CALHM6: variants seen among roughly 807,000 people sequenced by gnomAD.
CALHM6 encodes calcium homeostasis modulator protein 6.
Under a neutral mutation model 12.7 loss-of-function variants are expected in CALHM6, and 15 were observed. The ratio of observed to expected loss-of-function variants is 1.18; its 90% CI spans 0.79 to 1.82. The LOEUF (loss-of-function observed/expected upper bound fraction) is 1.82, where lower values mean the gene tolerates loss of function less well. Ranked by LOEUF, CALHM6 falls within the 40% of genes most tolerant of loss-of-function variation. The pLI, the probability that CALHM6 is intolerant of heterozygous loss-of-function variation, is 0.00. For missense variants in CALHM6, 434 were observed against 421.0 expected (o/e 1.03, Z -0.27); for synonymous variants, 212 against 193.7 (o/e 1.09, Z -0.78).
chr6:116,461,580 A>G (rs562898649), intron 1 of CALHM6, among the ~76,000 whole-genome samples, 151 bp downstream of exon 1: 1 of 152,078 alleles, frequency 6.6e-6, no homozygotes, highest in South Asian at 2.1e-4. Flanking sequence ...TCGTTGTCAG[A>G]TTGGTGGTAA....
intron 1 of CALHM6, 78 bp from the exon 2 acceptor site, chr6:116,461,794 A>T: frequency 3.6e-6 from 3 of 830,984 alleles, no homozygotes; most frequent in East Asian, 3.4e-5. Context: ...CTTCCCTTTA[A>T]AAAAAAAAAA....
At position 116,461,382 on chromosome 6, in the gene CALHM6, T is replaced by C; in HGVS notation, c.-106T>C. Reference sequence around the variant, plus strand: ...GAACTTGAGCTGGACTTTGCTGATTTAGCTTATGGAAGAGGAACCAGAAAT... The same window carrying C: ...GAACTTGAGCTGGACTTTGCTGATTCAGCTTATGGAAGAGGAACCAGAAAT... On this transcript the variant is annotated 5_prime_UTR_variant, in exon 1 of 3. Coordinates refer to ENST00000368605, the MANE Select transcript of CALHM6 (RefSeq NM_001010919.3). 4 of 1,549,166 alleles carry C rather than the reference T, an allele frequency of 2.6e-6. No homozygotes were observed. The highest frequency in any genetic ancestry group is 1.7e-4 in the Middle Eastern group (1 of 5,992).
Position 116,463,283 on chromosome 6 carries a change from G to T in CALHM6, c.526G>T (p.Val176Leu), listed in dbSNP as rs1460852404. The T allele has an allele frequency of 1.9e-6, 3 of 1,608,008 alleles. No homozygotes were observed. The highest frequency in any genetic ancestry group is 2.6e-6 in the Non-Finnish European group (3 of 1,176,352). ...LLKDLKAQSQ[V>L]LGWILIAVVI... ...TACTATTTTGTTGTGTTTTCTTAAG[G>T]TGTTGGGCTGGATCTTGATAGCAGT... Residue 176 changes from valine to leucine, a missense_variant and splice_region_variant, in exon 3 of 3, where the codon GTG (valine) becomes TTG (leucine). Val to Leu is a conservative substitution (Grantham distance 32). Coordinates refer to ENST00000368605, the MANE Select transcript of CALHM6 (RefSeq NM_001010919.3).
At position 116,463,569 on chromosome 6, in the gene CALHM6, AG is replaced by A; in HGVS notation, c.813del (p.Gln271HisfsTer27). ...SSLYTFNPKG[Q>X]YYSMLHKYVN... The stretch of plus-strand genomic sequence containing the variant: ...CTGTATACTTTCAATCCGAAGGGCC[AG>A]TACTACAGCATGTTGCACAAATATG... On this transcript the variant is annotated frameshift_variant, in exon 3 of 3. Transcript: ENST00000368605. LOFTEE classifies it low-confidence loss of function (END_TRUNC). 1 of 1,614,228 alleles carries A rather than the reference AG, an allele frequency of 6.2e-7. No homozygotes were observed. The highest frequency in any genetic ancestry group is 8.5e-7 in the Non-Finnish European group (1 of 1,180,032).
chr6:116,462,464 T>C lies in CALHM6; in HGVS notation c.525+10T>C. On this transcript the variant is annotated intron_variant, in intron 2 of 2. Transcript: ENST00000368605. ...GAAGGCTCAGTCGCAGGTCTGCCGC[T>C]GGCGCTGGGGGCGTTTGGGAGGAGC... 2 of 1,489,892 alleles carry C rather than the reference T, an allele frequency of 1.3e-6. No individual in the cohort carries two copies. The highest frequency in any genetic ancestry group is 1.5e-5 in the African/African-American group (1 of 68,384). 92.3% of individuals were successfully genotyped at this position (1,489,892 alleles called of 1,614,324 possible). A position where few individuals can be genotyped will look rare whatever the true frequency, so the allele number is the denominator to read the frequency against.
chr6:116,462,503 T>G (rs1784801460), intron 2 of CALHM6, 49 bp downstream of exon 2: 1 of 1,370,792 alleles, frequency 7.3e-7, no homozygotes, highest in Admixed American at 2.8e-5. Context: ...GAGGCCGAGC[T>G]TTCTCAGGGC....
chr6:116,462,383 C>T lies in CALHM6; in HGVS notation c.454C>T (p.Leu152=). Reference sequence around the variant, plus strand: ...CCGCAGCTGCGCCGCGGAGCTGCCGCTGGTGCCGTGCAACCAGGCCAAGGC... The same window carrying T: ...CCGCAGCTGCGCCGCGGAGCTGCCGTTGGTGCCGTGCAACCAGGCCAAGGC... The part of the protein sequence containing the change: ...RNRSCAAELP[L]VPCNQAKASD... Residue 152 remains leucine (L), a synonymous_variant, in exon 2 of 3, where the codon CTG becomes TTG. Coordinates refer to ENST00000368605, the MANE Select transcript of CALHM6 (RefSeq NM_001010919.3). 1 of 1,467,958 alleles carries T rather than the reference C, an allele frequency of 6.8e-7. No individual in the cohort carries two copies. Among genetic ancestry groups the T allele is most frequent in the Non-Finnish European group, 9.0e-7 (1 of 1,112,952 alleles). The allele number at this position is 1,467,958 out of a possible 1,614,324, so 90.9% of individuals were successfully genotyped here. A position where few individuals can be genotyped will look rare whatever the true frequency, so the allele number is the denominator to read the frequency against.
Position 116,462,322 on chromosome 6 carries a change from C to A in CALHM6, c.393C>A (p.Ser131Arg). The stretch of plus-strand genomic sequence containing the variant: ...TTTACGAGTGCGCGGCCACCGGGAG[C>A]GCGGCCTTCGCGCAGCGCCTGTGCC... ...GAFYECAATG[S>R]AAFAQRLCLG... The change falls in exon 2 of 3, where the codon AGC becomes AGA. Residue 131 changes from serine (S) to arginine (R), a missense_variant. Transcript: ENST00000368605. 7.0e-7 allele frequency: 1 copy of A among 1,435,566 alleles called. No individual in the cohort carries two copies. The highest frequency in any genetic ancestry group is 9.1e-7 in the Non-Finnish European group (1 of 1,099,820). 88.9% of individuals were successfully genotyped at this position (1,435,566 alleles called of 1,614,324 possible).
At position 116,462,310 on chromosome 6, in the gene CALHM6, G is replaced by A. The variant is rs1198921794; in HGVS notation, c.381G>A (p.Ala127=). The change falls in exon 2 of 3, where the codon GCG becomes GCA. Residue 127 remains alanine (A), a synonymous_variant. Transcript: ENST00000368605. ...ALLGGAFYEC[A]ATGSAAFAQR... ...TCGGGGGCGCCTTTTACGAGTGCGCGGCCACCGGGAGCGCGGCCTTCGCGC... is the reference window on the plus strand; with the variant it reads ...TCGGGGGCGCCTTTTACGAGTGCGCAGCCACCGGGAGCGCGGCCTTCGCGC... 7.0e-7 allele frequency: 1 copy of A among 1,428,574 alleles called. No individual in the cohort carries two copies. The highest frequency in any genetic ancestry group is 2.5e-4 in the Middle Eastern group (1 of 4,000). 88.5% of individuals were successfully genotyped at this position (1,428,574 alleles called of 1,614,324 possible).
At position 116,462,302 on chromosome 6, in the gene CALHM6, G is replaced by A. The variant is rs760961107; in HGVS notation, c.373G>A (p.Glu125Lys). 7.0e-7 allele frequency: 1 copy of A among 1,426,218 alleles called. No individual in the cohort carries two copies. Among genetic ancestry groups the A allele is most frequent in the East Asian group, 3.0e-5 (1 of 33,090 alleles). 88.3% of individuals were successfully genotyped at this position (1,426,218 alleles called of 1,614,324 possible). ...GGCGCTGCTCGGGGGCGCCTTTTAC[G>A]AGTGCGCGGCCACCGGGAGCGCGGC... ...AVALLGGAFY[E>K]CAATGSAAFA... Residue 125 changes from glutamate (E) to lysine (K), a missense_variant, in exon 2 of 3, where the codon GAG (glutamate) becomes AAG (lysine). Transcript: ENST00000368605.
chr6:116,462,970 G>T (rs564958775), intron 2 of CALHM6, among the ~76,000 whole-genome samples: 1 of 152,166 alleles, frequency 6.6e-6, no homozygotes, highest in Non-Finnish European at 1.5e-5. Context: ...AAGCTCAGAG[G>T]TTCTTTAAAA....
At chr6:116,461,844 C>T in intron 1 of CALHM6, 28 bp from the exon 2 acceptor site, 2 of 1,380,348 alleles carry the variant, frequency 1.4e-6, no homozygotes, top group South Asian at 3.4e-5. Flanking sequence ...CCCCGGTCCC[C>T]ATCCCACCAA....
intron 1 of CALHM6, 150 bp from the exon 2 acceptor site, chr6:116,461,722 T>A: frequency 1.5e-6 from 1 of 688,314 alleles, no homozygotes; most frequent in Non-Finnish European, 2.3e-6. Context: ...CCTGGTTCTG[T>A]TAACCAGAGG....
At position 116,462,199 on chromosome 6, in the gene CALHM6, A is replaced by G; in HGVS notation, c.270A>G (p.Gly90=). The G allele has an allele frequency of 1.3e-6, 2 of 1,505,762 alleles. No individual in the cohort carries two copies. The highest frequency in any genetic ancestry group is 1.8e-6 in the Non-Finnish European group (2 of 1,130,982). 93.3% of individuals were successfully genotyped at this position (1,505,762 alleles called of 1,614,324 possible). The part of the protein sequence containing the change: ...GCCSSARASC[G]SALRGSLVCT... ...GCTCCAGCGCCCGCGCGAGTTGCGG[A>G]TCGGCGCTGCGCGGCTCCCTGGTGT... is the stretch of plus-strand genomic sequence containing the variant. Residue 90 remains glycine (G), a synonymous_variant, in exon 2 of 3, where the codon GGA becomes GGG. Transcript: ENST00000368605.
Position 116,462,435 on chromosome 6 carries a change from A to G in CALHM6, c.506A>G (p.Asp169Gly), listed in dbSNP as rs61740836. 1,160 of 1,499,760 alleles carry G rather than the reference A, an allele frequency of 7.7e-4. 8 individuals are homozygous for G. In the African/African-American group the frequency reaches 0.015, roughly 19 times the overall value. The allele number at this position is 1,499,760 out of a possible 1,614,324, so 92.9% of individuals were successfully genotyped here. ...TCGGACGTGCAGGACCTCCTGAAGG[A>G]TCTGAAGGCTCAGTCGCAGGTCTGC... Reference protein sequence around the residue: ...KASDVQDLLKDLKAQSQVLGW... With the variant: ...KASDVQDLLKGLKAQSQVLGW... Residue 169 changes from aspartate to glycine, a missense_variant, in exon 2 of 3, where the codon GAT becomes GGT. Transcript: ENST00000368605.
In CALHM6 at chr6:116,462,181, C is replaced by G. The variant is rs1184766388; in HGVS notation, c.252C>G (p.Ser84Arg). ...GCCTGCTCACCGGATGCTGCTCCAG[C>G]GCCCGCGCGAGTTGCGGATCGGCGC... ...TWRLLTGCCS[S>R]ARASCGSALR... is the part of the protein sequence containing the mutation. The change falls in exon 2 of 3, where the codon AGC becomes AGG. Residue 84 changes from serine (S) to arginine (R), a missense_variant. Transcript: ENST00000368605. 6.6e-7 allele frequency: 1 copy of G among 1,512,780 alleles called. No individual in the cohort carries two copies. Among genetic ancestry groups the G allele is most frequent in the African/African-American group, 1.4e-5 (1 of 70,914 alleles). The allele number at this position is 1,512,780 out of a possible 1,614,324, so 93.7% of individuals were successfully genotyped here. A position where few individuals can be genotyped will look rare whatever the true frequency, so the allele number is the denominator to read the frequency against.
At chr6:116,463,113 T>A (rs1562326876) in intron 2 of CALHM6, among the ~76,000 whole-genome samples, 170 bp from the exon 3 acceptor site, 1 of 152,180 alleles carries the variant, frequency 6.6e-6, no homozygotes, top group Non-Finnish European at 1.5e-5. Context: ...GAAGTTGTAC[T>A]GGGGGGCTAG....
In CALHM6 at chr6:116,461,459, G is replaced by A. The variant is rs763463620; in HGVS notation, c.-59+30G>A. 3 of 1,546,512 alleles carry A rather than the reference G, an allele frequency of 1.9e-6. No homozygotes were observed. In the South Asian group the frequency reaches 3.6e-5, roughly 18 times the overall value. On this transcript the variant is annotated intron_variant, in intron 1 of 2. Coordinates refer to ENST00000368605, the MANE Select transcript of CALHM6 (RefSeq NM_001010919.3). ...GTAATCAGTTTTTTGATAATTATTT[G>A]GTTTTACTGTGATCTGGCTTAGTAA...
At chr6:116,461,555 G>A (rs1002497357) in intron 1 of CALHM6, 126 bp downstream of exon 1, 19 of 907,748 alleles carry the variant, frequency 2.1e-5, no homozygotes, top group Admixed American at 1.1e-4. Context: ...GGGTCAAGAA[G>A]GTTAGTTTCC....
Sources: gnomAD v4.1 joint callset for allele counts (sites outside exome capture counted in the v4.1 genomes callset) on GRCh38, gnomAD v4.1.1 for gene constraint, MANE v1.5 for transcripts, NCBI Gene and HGNC (gene_info 2026-07-23, HGNC 2026-07-21) for gene names.